Variants in TENM2 observed in about 807,000 individuals in gnomAD.
TENM2 encodes teneurin transmembrane protein 2.
In TENM2, 52 loss-of-function variants were observed where a neutral mutation model predicts 245.2. The ratio of observed to expected loss-of-function variants is 0.21; its 90% confidence interval spans 0.17 to 0.27. TENM2 has a LOEUF of 0.27. Ranked by LOEUF, TENM2 falls within the 10% of genes least tolerant of loss-of-function variation. The pLI is 1.00. For missense variants in TENM2, 3,046 were observed against 3,666.8 expected (o/e 0.83, Z 4.37); for synonymous variants, 1,363 against 1,438.9 (o/e 0.95, Z 1.19).
chr5:168,196,681 C>T (rs918011787), intron 15 of TENM2, among the ~76,000 whole-genome samples: 3 of 152,120 alleles, frequency 2.0e-5, no homozygotes, highest in Non-Finnish European at 4.4e-5. Flanking sequence ...AGGCTGGTCT[C>T]GAACTCCTAA....
chr5:168,218,087 A>C lies in TENM2; in HGVS notation c.4234-38A>C. On this transcript the variant is annotated intron_variant, in intron 22 of 28. Transcript: ENST00000518659. This position sits in a 1 kb window ranked among gnomAD's most constrained non-coding sequence, Gnocchi z 5.2. ...CGTACGGTTAAACGTTGGACATATTAAAGGCTGTTCTTTAATCTGATACCA... is the reference window on the plus strand; with the variant it reads ...CGTACGGTTAAACGTTGGACATATTCAAGGCTGTTCTTTAATCTGATACCA... 1.3e-6 allele frequency: 2 copies of C among 1,589,380 alleles called. No individual in the cohort carries two copies. Among genetic ancestry groups the C allele is most frequent in the Non-Finnish European group, 1.7e-6 (2 of 1,164,414 alleles).
the TENM2 span, among the ~76,000 whole-genome samples, chr5:166,990,451 A>G: frequency 1.8e-4 from 27 of 152,232 alleles, no homozygotes; most frequent in Non-Finnish European, 4.4e-5. Context: ...GATTCATCCA[A>G]TAAAATAATC....
chr5:168,127,072 C>A, intron 12 of TENM2, 106 bp downstream of exon 14: 1 of 975,254 alleles, frequency 1.0e-6, no homozygotes, highest in Non-Finnish European at 1.6e-6. Flanking sequence ...TTTCCTGCTG[C>A]CCCTCCAAAT....
At chr5:167,709,161 G>T (rs1758738993) in intron 2 of TENM2, among the ~76,000 whole-genome samples, 1 of 152,182 alleles carries the variant, frequency 6.6e-6, no homozygotes, top group East Asian at 1.9e-4. Context: ...CGCCCCATCT[G>T]CAGCTGCGTG....
chr5:167,008,389 A>T, the TENM2 span, among the ~76,000 whole-genome samples: 59 of 152,306 alleles, frequency 3.9e-4, no homozygotes, highest in Non-Finnish European at 4.4e-5. Context: ...TACTCCTTCC[A>T]GCGGTGGATG....
intron 2 of TENM2, among the ~76,000 whole-genome samples, chr5:167,582,840 C>G (rs867413569): frequency 3.0e-4 from 45 of 152,216 alleles, no homozygotes; most frequent in African/African-American, 1.0e-3. Flanking sequence ...CACTATTTCT[C>G]TTTTAGCTGC....
chr5:168,025,652 T>C (rs1786549614), intron 5 of TENM2, among the ~76,000 whole-genome samples: 1 of 152,168 alleles, frequency 6.6e-6, no homozygotes, highest in African/African-American at 2.4e-5. Context: ...TGTGCTTGGG[T>C]TCCAAAGAGC....
At chr5:167,200,329 G>C in the TENM2 span, among the ~76,000 whole-genome samples, 5,563 of 152,054 alleles carry the variant, frequency 0.037, 344 homozygotes, top group African/African-American at 0.13. Context: ...TACCAGTTCA[G>C]TTTGACCAAA....
intron 6 of TENM2, among the ~76,000 whole-genome samples, chr5:168,057,334 C>T (rs1451635644): frequency 6.6e-6 from 1 of 151,376 alleles, no homozygotes; most frequent in Non-Finnish European, 1.5e-5. Context: ...CACACACACT[C>T]ACTCACACTC....
the TENM2 span, among the ~76,000 whole-genome samples, chr5:167,234,212 A>G: frequency 6.6e-6 from 1 of 152,324 alleles, no homozygotes; most frequent in South Asian, 2.1e-4. Context: ...GAGCCCTCAC[A>G]CCCAGGCTAA....
intron 2 of TENM2, among the ~76,000 whole-genome samples, chr5:167,426,322 T>G (rs983407219): frequency 6.6e-6 from 1 of 152,186 alleles, no homozygotes; most frequent in African/African-American, 2.4e-5. Context: ...ACAAAAGTTT[T>G]ATTTAAAAAT....
chr5:167,465,313 T>C (rs766840437), intron 2 of TENM2, among the ~76,000 whole-genome samples: 6 of 152,192 alleles, frequency 3.9e-5, no homozygotes, highest in Non-Finnish European at 5.9e-5. Flanking sequence ...TATCTTATTT[T>C]GTTTTGTTAA....
chr5:167,005,396 C>G, the TENM2 span, among the ~76,000 whole-genome samples: 1 of 152,074 alleles, frequency 6.6e-6, no homozygotes, highest in Non-Finnish European at 1.5e-5. Context: ...TTAGGAGAAC[C>G]GTTGACATTT....
chr5:167,174,051 C>G, the TENM2 span, among the ~76,000 whole-genome samples: 1 of 150,628 alleles, frequency 6.6e-6, no homozygotes, highest in Non-Finnish European at 1.5e-5. Context: ...TTTTCCACCC[C>G]CTTGAAATAA....
chr5:167,382,978 A>G (rs1282282141), intron 2 of TENM2, among the ~76,000 whole-genome samples: 1 of 152,168 alleles, frequency 6.6e-6, no homozygotes, highest in African/African-American at 2.4e-5. Context: ...GGTGAAAAAT[A>G]GAAAAGTACT....
the TENM2 span, among the ~76,000 whole-genome samples, chr5:167,108,237 T>G: frequency 6.6e-6 from 1 of 152,312 alleles, no homozygotes; most frequent in South Asian, 2.1e-4. Flanking sequence ...GTGATTCTCA[T>G]GCCTCAGTGT....
the TENM2 span, among the ~76,000 whole-genome samples, chr5:166,982,225 A>G: frequency 1.2e-3 from 180 of 152,236 alleles, 1 homozygote; most frequent in African/African-American, 4.0e-3. Flanking sequence ...TGATTCATGG[A>G]ACTTGTCAAT....
chr5:167,395,805 C>T (rs1423713150), intron 2 of TENM2, among the ~76,000 whole-genome samples: 1 of 152,064 alleles, frequency 6.6e-6, no homozygotes, highest in Non-Finnish European at 1.5e-5. Context: ...AACTCAGTTT[C>T]CAGGAACCTA....
At chr5:167,261,260 C>T in the TENM2 span, among the ~76,000 whole-genome samples, 362 of 152,222 alleles carry the variant, frequency 2.4e-3, 1 homozygote, top group African/African-American at 8.1e-3. Context: ...TTACATATGA[C>T]ACAGAGGTTA....
Sources: gnomAD v4.1 joint callset for allele counts (sites outside exome capture counted in the v4.1 genomes callset) on GRCh38, gnomAD v4.1.1 for gene constraint, Gnocchi (gnomAD v3.1) non-coding constraint, MANE v1.5 for transcripts, NCBI Gene and HGNC (gene_info 2026-07-23, HGNC 2026-07-21) for gene names.